The following ACOT7 variants were observed in gnomAD, a reference collection of about 807,000 sequenced individuals.
The protein encoded by ACOT7 is cytosolic acyl coenzyme A thioester hydrolase.
Under a neutral mutation model 40.2 loss-of-function variants are expected in ACOT7, and 12 were observed. That is an observed-to-expected ratio of 0.30 (90% CI 0.19 to 0.48). ACOT7 has a LOEUF of 0.48. Among genes scored for constraint, ACOT7 ranks in the 20% least tolerant of loss-of-function variants. The pLI, the probability that ACOT7 is intolerant of heterozygous loss-of-function variation, is 0.99. For missense variants in ACOT7, 395 were observed against 530.8 expected (o/e 0.74, Z 2.51); for synonymous variants, 228 against 219.5 (o/e 1.04, Z -0.34).
intron 1 of ACOT7, among the ~76,000 whole-genome samples, chr1:6,360,988 C>T (rs550585182): frequency 8.5e-5 from 13 of 152,322 alleles, no homozygotes; most frequent in East Asian, 1.9e-4. Context: ...TATTTCCCAT[C>T]TAGTAAATTA....
At chr1:6,337,778 C>CA (rs1641145165) in intron 3 of ACOT7, among the ~76,000 whole-genome samples, 1 of 152,046 alleles carries the variant, frequency 6.6e-6, no homozygotes, top group African/African-American at 2.4e-5. Context: ...AGTTTCAGAC[C>CA]ACCCTGGCCA....
intron 8 of ACOT7, among the ~76,000 whole-genome samples, chr1:6,265,768 G>A (rs1349213886): frequency 1.3e-5 from 2 of 152,166 alleles, no homozygotes; most frequent in East Asian, 1.9e-4. Flanking sequence ...ACATTTCATC[G>A]CAACATTTTG....
chr1:6,331,548 G>A (rs948540107), intron 4 of ACOT7, among the ~76,000 whole-genome samples: 1 of 152,234 alleles, frequency 6.6e-6, no homozygotes, highest in African/African-American at 2.4e-5. Context: ...GAGCTACCCA[G>A]TCAGTGGCAC....
At chr1:6,383,112 C>T (rs1642369743) in intron 1 of ACOT7, among the ~76,000 whole-genome samples, 2 of 151,388 alleles carry the variant, frequency 1.3e-5, no homozygotes, top group African/African-American at 4.8e-5. Context: ...CTCCTGACCT[C>T]AGGTGATCCA....
chr1:6,346,821 G>A (rs1399510156), intron 2 of ACOT7, among the ~76,000 whole-genome samples: 1 of 152,182 alleles, frequency 6.6e-6, no homozygotes, highest in African/African-American at 2.4e-5. Context: ...GGACTTCCTG[G>A]AAGGTAGAGC....
At position 6,348,348 on chromosome 1, in the gene ACOT7, A is replaced by G. The variant is rs534250623; in HGVS notation, c.261+1401T>C. Reference sequence around the variant, plus strand: ...TGCATACGCAGATACACACACACACACACGCACACACACACAGCTTCCACT... The same window carrying G: ...TGCATACGCAGATACACACACACACGCACGCACACACACACAGCTTCCACT... On this transcript the variant is annotated intron_variant, in intron 2 of 8. Coordinates refer to ENST00000361521, the MANE Select transcript of ACOT7 (RefSeq NM_007274.4). Among the ~76,000 whole-genome samples, 4 of 152,044 alleles carry G rather than the reference A, an allele frequency of 2.6e-5. No homozygotes were observed. The South Asian group carries it at 6.2e-4, about 24-fold the overall frequency.
chr1:6,268,314 C>T (rs1437499764), intron 8 of ACOT7, among the ~76,000 whole-genome samples: 4 of 152,142 alleles, frequency 2.6e-5, no homozygotes, highest in Non-Finnish European at 5.9e-5. Context: ...TCAGGGCTGT[C>T]AACGCATAAG....
At chr1:6,351,889 T>TA (rs1179288413) in intron 1 of ACOT7, among the ~76,000 whole-genome samples, 1 of 152,224 alleles carries the variant, frequency 6.6e-6, no homozygotes, top group East Asian at 1.9e-4. Flanking sequence ...TGGGTAGCCT[T>TA]TAAGACAGAA....
chr1:6,333,771 C>T (rs1041569830), intron 3 of ACOT7, among the ~76,000 whole-genome samples: 3 of 146,744 alleles, frequency 2.0e-5, no homozygotes, highest in Non-Finnish European at 3.0e-5. Context: ...GTGCTGCCAT[C>T]ATGTGAGTGT....
At position 6,273,274 on chromosome 1, in the gene ACOT7, G is replaced by A. The variant is rs2148368507; in HGVS notation, c.1014+7828C>T. On this transcript the variant is annotated intron_variant, in intron 8 of 8. Coordinates refer to ENST00000361521, the MANE Select transcript of ACOT7 (RefSeq NM_007274.4). ...CAGAGGGAAGGCGAGAGCCAGGCTG[G>A]AGGGGAGGGCTACATGCTCTCATCT... Among the ~76,000 whole-genome samples, 2 of 152,364 alleles carry A rather than the reference G, an allele frequency of 1.3e-5. 1 individual carries two copies. The highest frequency in any genetic ancestry group is 4.1e-4 in the South Asian group (2 of 4,824).
At chr1:6,382,341 T>C (rs1642355489) in intron 1 of ACOT7, among the ~76,000 whole-genome samples, 2 of 151,478 alleles carry the variant, frequency 1.3e-5, no homozygotes, top group South Asian at 4.2e-4. Context: ...GAGGCGGAGC[T>C]TGCAGTGAGC....
rs542720136 is a variant in ACOT7 at position 6,315,077 on chromosome 1, G to A, written c.712+3415C>T. On this transcript the variant is annotated intron_variant, in intron 6 of 8. Transcript: ENST00000361521. ...TGAGCTAGTGTCTGGTGGGAGCACT[G>A]CGTTCTCCCTGTGATTCCAGGCAGA... is the stretch of plus-strand genomic sequence containing the variant. Among the ~76,000 whole-genome samples the A allele has an allele frequency of 7.9e-5, 12 of 152,300 alleles. No homozygotes were observed. The East Asian group carries it at 2.3e-3, about 29-fold the overall frequency.
rs942272644 is a variant in ACOT7, at chr1:6,278,207, G to GTC, written c.1014+2893_1014+2894dup. Among the ~76,000 whole-genome samples, 15 of 152,128 alleles carry GTC rather than the reference G, an allele frequency of 9.9e-5. No individual in the cohort carries two copies. Among genetic ancestry groups the GTC allele is most frequent in the Non-Finnish European group, 1.8e-4 (12 of 68,018 alleles). On this transcript the variant is annotated intron_variant, in intron 8 of 8. Transcript: ENST00000361521. The surrounding 1 kb of genome is among the most constrained non-coding windows in gnomAD (Gnocchi z 4.1). ...GCTCCAGGAGGCTCTGGGGAGGGTGGTCCAGATGGGAGCAGCAGGTGCACA... is the reference window on the plus strand; with the variant it reads ...GCTCCAGGAGGCTCTGGGGAGGGTGGTCTCCAGATGGGAGCAGCAGGTGCACA...
Position 6,282,168 on chromosome 1 carries a change from C to T in ACOT7, c.830-882G>A, listed in dbSNP as rs961296242. On this transcript the variant is annotated intron_variant, in intron 7 of 8. Coordinates refer to ENST00000361521, the MANE Select transcript of ACOT7 (RefSeq NM_007274.4). The surrounding 1 kb of genome is among the most constrained non-coding windows in gnomAD (Gnocchi z 4.5). The stretch of plus-strand genomic sequence containing the variant: ...CCCAGAGCTGCTCTTCTGCCCCCAC[C>T]ACCCTCCCCGGCCTGGGCTCCATCC... 1.3e-5 allele frequency among the ~76,000 whole-genome samples: 2 copies of T among 152,160 alleles called. No homozygotes were observed. Among genetic ancestry groups the T allele is most frequent in the African/African-American group, 2.4e-5 (1 of 41,430 alleles).
chr1:6,360,765 G>A (rs59626239), intron 1 of ACOT7: 61,246 of 1,545,256 alleles, frequency 0.04, 1,381 homozygotes, highest in African/African-American at 0.082. Flanking sequence ...ATCCCTCCAG[G>A]CGGGCATTGC....
chr1:6,361,310 G>C (rs968574548), intron 1 of ACOT7, among the ~76,000 whole-genome samples: 3 of 152,150 alleles, frequency 2.0e-5, no homozygotes, highest in African/African-American at 7.2e-5. Context: ...TCAGCTGGTG[G>C]GGGGCAGGGG....
chr1:6,276,785 C>G (rs1639204852), intron 8 of ACOT7, among the ~76,000 whole-genome samples: 1 of 152,220 alleles, frequency 6.6e-6, no homozygotes, highest in South Asian at 2.1e-4. Context: ...TTTCTATCAA[C>G]ATCAACATTG....
At chr1:6,366,920 C>T (rs547933944) in intron 1 of ACOT7, among the ~76,000 whole-genome samples, 59 of 152,148 alleles carry the variant, frequency 3.9e-4, no homozygotes, top group African/African-American at 7.9e-4. Context: ...GGAGTCAGGC[C>T]GGGCGCGGTG....
chr1:6,340,756 C>T (rs1040293023), intron 2 of ACOT7, among the ~76,000 whole-genome samples: 2 of 151,612 alleles, frequency 1.3e-5, no homozygotes, highest in African/African-American at 2.4e-5. Context: ...CTTCTTTAGG[C>T]CGGGCGCGGT....
Sources: allele counts gnomAD v4.1 joint callset (sites outside exome capture counted in the v4.1 genomes callset), GRCh38; gene constraint gnomAD v4.1.1; non-coding constraint Gnocchi (gnomAD v3.1); transcripts MANE v1.5; gene names NCBI Gene and HGNC (gene_info 2026-07-23, HGNC 2026-07-21).